CFAP36: variants seen among roughly 807,000 people sequenced by gnomAD.
The protein encoded by CFAP36 is cilia- and flagella-associated protein 36.
In CFAP36, 37 loss-of-function variants were observed where a neutral mutation model predicts 50.5. The ratio of observed to expected loss-of-function variants is 0.73; its 90% CI spans 0.56 to 0.96. The LOEUF (loss-of-function observed/expected upper bound fraction) is 0.96. CFAP36 is among the 50% of genes least tolerant of loss of function. The probability of loss-of-function intolerance (pLI) is 0.00; values close to 1 mark genes in which losing one functional copy is unlikely to be tolerated. For synonymous variants in CFAP36, 138 were observed against 128.2 expected (o/e 1.08, Z -0.52); for missense variants, 407 against 396.2 (o/e 1.03, Z -0.23).
rs936395915 is a variant in CFAP36 at position 55,529,063 on chromosome 2, G to T, written c.397+71G>T. On this transcript the variant is annotated intron_variant, in intron 4 of 9. Transcript: ENST00000349456. ...TTACAGTTTTGACTATTCTAATATG[G>T]TCTTAAATGTAGCTGTCTCATGTAC... 31 of 994,726 alleles carry T rather than the reference G, an allele frequency of 3.1e-5. 1 individual carries two copies. In the South Asian group the frequency reaches 4.9e-4, roughly 16 times the overall value. 61.6% of individuals were successfully genotyped at this position (994,726 alleles called of 1,614,324 possible). A position where few individuals can be genotyped will look rare whatever the true frequency, so the allele number is the denominator to read the frequency against.
At chr2:55,523,868 C>T (rs774693503) in intron 3 of CFAP36, 46 bp downstream of exon 3, 1 of 1,256,006 alleles carries the variant, frequency 8.0e-7, no homozygotes. Context: ...TTAACAAATG[C>T]CCAGGGTTAA....
At chr2:55,536,277 C>T (rs773376177) in intron 6 of CFAP36, among the ~76,000 whole-genome samples, 3 of 151,168 alleles carry the variant, frequency 2.0e-5, no homozygotes, top group African/African-American at 7.3e-5. Flanking sequence ...GGATTACAAG[C>T]GTGCGCCATC....
At chr2:55,527,709 G>A (rs900685265) in intron 3 of CFAP36, among the ~76,000 whole-genome samples, 2 of 151,990 alleles carry the variant, frequency 1.3e-5, no homozygotes, top group Non-Finnish European at 1.5e-5. Context: ...CAGAATGTTC[G>A]TCAAGACAGA....
intron 3 of CFAP36, 86 bp from the exon 4 acceptor site, chr2:55,528,792 A>G (rs1225849993): frequency 2.8e-6 from 2 of 709,266 alleles, no homozygotes; most frequent in Non-Finnish European, 4.8e-6. Flanking sequence ...GAATTAATCT[A>G]CTGTTTTGCA....
intron 3 of CFAP36, among the ~76,000 whole-genome samples, chr2:55,527,010 A>G (rs1242776398): frequency 6.6e-6 from 1 of 152,178 alleles, no homozygotes; most frequent in East Asian, 1.9e-4. Context: ...CCTGGGCTGC[A>G]GAGTGAGACC....
At chr2:55,539,663 G>GT (rs1558914602) in intron 7 of CFAP36, 1 of 152,240 alleles carries the variant, frequency 6.6e-6, no homozygotes, top group Non-Finnish European at 1.5e-5. Context: ...ATATCTTACA[G>GT]TAAGAGTATG....
rs1333625241 is a variant in CFAP36, at chr2:55,528,913, T to C, written c.318T>C (p.Phe106=). The change falls in exon 4 of 10, where the codon TTT becomes TTC. Residue 106 remains phenylalanine (F), a synonymous_variant. Coordinates refer to ENST00000349456, the MANE Select transcript of CFAP36 (RefSeq NM_080667.7). ...ILQPVLAAED[F]TIFKAMMVQK... The stretch of plus-strand genomic sequence containing the variant: ...AACCTGTGTTGGCAGCAGAAGATTT[T>C]ACTATCTTTAAAGCAATGATGGTCC... 6.2e-7 allele frequency: 1 copy of C among 1,610,662 alleles called. No homozygotes were observed.
At chr2:55,525,560 T>C (rs1306014550) in intron 3 of CFAP36, among the ~76,000 whole-genome samples, 1 of 152,208 alleles carries the variant, frequency 6.6e-6, no homozygotes. Flanking sequence ...CCAGATTGTA[T>C]TTTTAGCCAT....
intron 2 of CFAP36, 101 bp from the exon 3 acceptor site, chr2:55,523,620 C>CA: frequency 3.0e-6 from 2 of 663,560 alleles, no homozygotes; most frequent in Non-Finnish European, 5.0e-6. Context: ...TTAATATTTG[C>CA]AAAAAATTCG....
intron 7 of CFAP36, among the ~76,000 whole-genome samples, chr2:55,543,362 T>C (rs1056817799): frequency 6.6e-6 from 1 of 152,246 alleles, no homozygotes; most frequent in Non-Finnish European, 1.5e-5. Context: ...TGTTTATATG[T>C]GCTTCCAAGT....
Position 55,537,491 on chromosome 2 carries a change from G to A in CFAP36, c.546G>A (p.Glu182=), listed in dbSNP as rs78368404. Reference sequence around the variant, plus strand: ...ATTATGGAATCCTGAAGTTATCAGAGGCTAAAACAGAAGAGCCCACAGTGC... The same window carrying A: ...ATTATGGAATCCTGAAGTTATCAGAAGCTAAAACAGAAGAGCCCACAGTGC... ...EERKRKKQLS[E]AKTEEPTVHS... The change falls in exon 7 of 10, where the codon GAG becomes GAA. Residue 182 remains glutamate, a synonymous_variant. Coordinates refer to ENST00000349456, the MANE Select transcript of CFAP36 (RefSeq NM_080667.7). 3.4e-4 allele frequency: 544 copies of A among 1,606,528 alleles called. 2 individuals carry two copies. In the East Asian group the frequency reaches 0.011, roughly 32 times the overall value.
intron 7 of CFAP36, among the ~76,000 whole-genome samples, chr2:55,543,093 C>G (rs1165750278): frequency 6.6e-6 from 1 of 151,802 alleles, no homozygotes; most frequent in African/African-American, 2.4e-5. Context: ...CAGGATCAAC[C>G]AGGTGTGGCA....
chr2:55,533,741 T>G (rs1346623660), intron 4 of CFAP36, 132 bp from the exon 5 acceptor site: 2 of 337,956 alleles, frequency 5.9e-6, no homozygotes, highest in Admixed American at 4.7e-5. Flanking sequence ...AGATGATAGT[T>G]AAAAAGATAA....
chr2:55,536,321 C>T (rs1411089520), intron 6 of CFAP36, among the ~76,000 whole-genome samples: 3 of 151,716 alleles, frequency 2.0e-5, no homozygotes, highest in African/African-American at 4.8e-5. Flanking sequence ...TTAGTAGAGA[C>T]GGGGTTTCAC....
At chr2:55,532,777 G>C (rs1230157483) in intron 4 of CFAP36, among the ~76,000 whole-genome samples, 1 of 152,154 alleles carries the variant, frequency 6.6e-6, no homozygotes, top group Non-Finnish European at 1.5e-5. Context: ...AGTCATATGT[G>C]GATAAAGAAA....
At chr2:55,530,140 G>A (rs967015400) in intron 4 of CFAP36, among the ~76,000 whole-genome samples, 3 of 152,186 alleles carry the variant, frequency 2.0e-5, no homozygotes, top group Non-Finnish European at 4.4e-5. Flanking sequence ...GGGGGCAGGT[G>A]TTCCCCATGC....
chr2:55,528,399 A>T (rs552495018), intron 3 of CFAP36, among the ~76,000 whole-genome samples: 15 of 145,010 alleles, frequency 1.0e-4, no homozygotes, highest in African/African-American at 2.8e-4. Flanking sequence ...CTTTTGAAAA[A>T]TTTTTTTTTT....
At chr2:55,536,037 G>A (rs1321544953) in intron 6 of CFAP36, 1 of 497,688 alleles carries the variant, frequency 2.0e-6, no homozygotes, top group Non-Finnish European at 3.1e-6. Context: ...ATATAAGCAA[G>A]AGTAGTCATT....
chr2:55,519,954 T>G (rs1384356006), intron 1 of CFAP36, 38 bp downstream of exon 1: 2 of 1,587,508 alleles, frequency 1.3e-6, no homozygotes, highest in East Asian at 2.2e-5. Flanking sequence ...CCTTTTCTCC[T>G]CTCTCACACC....
Sources: gnomAD v4.1 joint callset for allele counts (sites outside exome capture counted in the v4.1 genomes callset) on GRCh38, gnomAD v4.1.1 for gene constraint, MANE v1.5 for transcripts, NCBI Gene and HGNC (gene_info 2026-07-23, HGNC 2026-07-21) for gene names.